C8orf74: variants seen among roughly 807,000 people sequenced by gnomAD.
The protein encoded by C8orf74 is uncharacterized protein C8orf74.
Under a neutral mutation model 22.2 loss-of-function variants are expected in C8orf74, and 29 were observed. The observed-to-expected ratio is 1.31, with a 90% confidence interval of 0.97 to 1.78. The LOEUF (loss-of-function observed/expected upper bound fraction) is 1.78. Ranked by LOEUF, C8orf74 falls within the 40% of genes most tolerant of loss-of-function variation. The probability of loss-of-function intolerance (pLI) is 0.00; values close to 1 mark genes in which losing one functional copy is unlikely to be tolerated. For missense variants in C8orf74, 515 were observed against 369.9 expected (o/e 1.39, Z -3.22); for synonymous variants, 255 against 163.1 (o/e 1.56, Z -4.30).
chr8:10,677,724 C>A (rs552497330), intron 2 of C8orf74, among the ~76,000 whole-genome samples: 6 of 152,164 alleles, frequency 3.9e-5, no homozygotes, highest in Non-Finnish European at 7.3e-5. Flanking sequence ...TGGATTCAAA[C>A]ACAGCAATCG....
intron 2 of C8orf74, among the ~76,000 whole-genome samples, chr8:10,680,748 G>C (rs1452738114): frequency 2.0e-5 from 3 of 152,206 alleles, no homozygotes; most frequent in Non-Finnish European, 4.4e-5. Context: ...GCAGGAAGCT[G>C]TTTGCTGTCC....
At position 10,697,901 on chromosome 8, in the gene C8orf74, G is replaced by T. The variant is rs751820803; in HGVS notation, c.544G>T (p.Val182Leu). 1 of 1,607,924 alleles carries T rather than the reference G, an allele frequency of 6.2e-7. No homozygotes were observed. Among genetic ancestry groups the T allele is most frequent in the East Asian group, 2.2e-5 (1 of 44,756 alleles). Residue 182 changes from valine to leucine, a missense_variant, in exon 3 of 4, where the codon GTG becomes TTG. Transcript: ENST00000304519. ...GGCCGAGGCACAGAAGCGCGCCGACGTGCTGCTCCTGAAAGAGGCGCTGCG... is the reference window on the plus strand; with the variant it reads ...GGCCGAGGCACAGAAGCGCGCCGACTTGCTGCTCCTGAAAGAGGCGCTGCG... ...TEAEAQKRAD[V>L]LLLKEALRLE...
intron 2 of C8orf74, among the ~76,000 whole-genome samples, chr8:10,676,592 C>T (rs1039807577): frequency 9.2e-5 from 14 of 152,314 alleles, no homozygotes; most frequent in South Asian, 2.1e-4. Context: ...GCCAGGTTCT[C>T]TTCCAATTCT....
chr8:10,692,904 G>C (rs1388161683), intron 2 of C8orf74: 1 of 152,274 alleles, frequency 6.6e-6, no homozygotes, highest in Admixed American at 6.5e-5. Flanking sequence ...CTCCCTCGCA[G>C]CTTGAGTGAT....
At chr8:10,693,243 C>A (rs11992108) in intron 2 of C8orf74, among the ~76,000 whole-genome samples, 11,678 of 152,222 alleles carry the variant, frequency 0.077, 1,419 homozygotes, top group African/African-American at 0.26. Flanking sequence ...AGCTGCTCCC[C>A]CTCTTGCCTT....
intron 2 of C8orf74, among the ~76,000 whole-genome samples, chr8:10,678,663 G>T (rs1463611485): frequency 2.0e-5 from 3 of 151,816 alleles, no homozygotes; most frequent in African/African-American, 7.3e-5. Context: ...AGACAAATGA[G>T]ACTGTCCCAG....
chr8:10,686,507 T>A (rs1799265123), intron 2 of C8orf74: 2 of 152,394 alleles, frequency 1.3e-5, no homozygotes, highest in African/African-American at 4.8e-5. Context: ...AGATTTTCCA[T>A]TATCTGCCCT....
chr8:10,694,622 G>T (rs1799450595), intron 2 of C8orf74, among the ~76,000 whole-genome samples: 1 of 152,220 alleles, frequency 6.6e-6, no homozygotes, highest in South Asian at 2.1e-4. Flanking sequence ...TACCTGTGGA[G>T]ATATTTAACC....
rs1432978410 is a variant in C8orf74, at chr8:10,674,586, C to G, written c.49-60C>G. 9 of 1,405,846 alleles carry G rather than the reference C, an allele frequency of 6.4e-6. No individual in the cohort carries two copies. In the African/African-American group the frequency reaches 1.2e-4, roughly 18 times the overall value. 87.1% of individuals were successfully genotyped at this position (1,405,846 alleles called of 1,614,324 possible). A position where few individuals can be genotyped will look rare whatever the true frequency, so the allele number is the denominator to read the frequency against. On this transcript the variant is annotated intron_variant, in intron 1 of 3. Coordinates refer to ENST00000304519, the MANE Select transcript of C8orf74 (RefSeq NM_001040032.2). Reference sequence around the variant, plus strand: ...GCCCCCATATCACACCCCGTAGCCCCTATATCATGCCCTGCAACCCCCACA... The same window carrying G: ...GCCCCCATATCACACCCCGTAGCCCGTATATCATGCCCTGCAACCCCCACA...
chr8:10,678,245 G>A (rs770265081), intron 2 of C8orf74, among the ~76,000 whole-genome samples: 1 of 152,186 alleles, frequency 6.6e-6, no homozygotes, highest in Non-Finnish European at 1.5e-5. Context: ...AGCCTCTGTG[G>A]ACACATCTAG....
intron 3 of C8orf74, among the ~76,000 whole-genome samples, chr8:10,699,253 G>GCC (rs1799599921): frequency 6.6e-6 from 1 of 152,172 alleles, no homozygotes; most frequent in African/African-American, 2.4e-5. Context: ...CCCCTGCCTG[G>GCC]TGGAGCTGGT....
intron 2 of C8orf74, among the ~76,000 whole-genome samples, chr8:10,679,101 C>A (rs939022377): frequency 6.6e-6 from 1 of 152,162 alleles, no homozygotes; most frequent in Non-Finnish European, 1.5e-5. Flanking sequence ...AGCTGTGGGA[C>A]CTTGGCCATT....
At chr8:10,691,332 C>A (rs1232878245) in intron 2 of C8orf74, 4 of 190,018 alleles carry the variant, frequency 2.1e-5, no homozygotes, top group African/African-American at 4.5e-5. Context: ...CACTACTGAG[C>A]CTGGCAGACT....
At chr8:10,673,338 C>T (rs1798957006) in intron 1 of C8orf74, among the ~76,000 whole-genome samples, 1 of 152,148 alleles carries the variant, frequency 6.6e-6, no homozygotes, top group Non-Finnish European at 1.5e-5. Flanking sequence ...TCCAGAAGGG[C>T]CAGCTGAACT....
chr8:10,674,607 C>T (rs772671621), intron 1 of C8orf74, 39 bp from the exon 2 acceptor site: 1 of 1,546,700 alleles, frequency 6.5e-7, no homozygotes, highest in South Asian at 1.2e-5. Context: ...CCTGCAACCC[C>T]CACATCATAC....
At chr8:10,696,026 T>A (rs1427922689) in intron 2 of C8orf74, among the ~76,000 whole-genome samples, 2 of 152,012 alleles carry the variant, frequency 1.3e-5, no homozygotes, top group African/African-American at 4.8e-5. Context: ...AGAACCCAGG[T>A]CTCCACGCCT....
intron 2 of C8orf74, chr8:10,675,523 G>A (rs751946272): frequency 2.0e-5 from 3 of 152,136 alleles, no homozygotes; most frequent in Non-Finnish European, 2.9e-5. Context: ...ATGAGAAATG[G>A]GATACTTCCA....
At chr8:10,690,983 C>T (rs751314317) in intron 2 of C8orf74, 119 of 455,262 alleles carry the variant, frequency 2.6e-4, no homozygotes, top group Admixed American at 4.7e-4. Flanking sequence ...TCTGTCCGCC[C>T]GGCAGCCAGC....
intron 2 of C8orf74, among the ~76,000 whole-genome samples, chr8:10,678,343 G>C (rs768839117): frequency 6.6e-6 from 1 of 152,218 alleles, no homozygotes; most frequent in Non-Finnish European, 1.5e-5. Context: ...CATGGTGCTC[G>C]GTGCCTAGGA....
Sources: gnomAD v4.1 joint callset for allele counts (sites outside exome capture counted in the v4.1 genomes callset) on GRCh38, gnomAD v4.1.1 for gene constraint, MANE v1.5 for transcripts, NCBI Gene and HGNC (gene_info 2026-07-23, HGNC 2026-07-21) for gene names.